Variants in COL11A1 observed in about 807,000 individuals in gnomAD.
The protein encoded by COL11A1 is collagen type XI alpha 1 chain.
Under a neutral mutation model 265.2 loss-of-function variants are expected in COL11A1, and 74 were observed. That is an observed-to-expected ratio of 0.28 (90% CI 0.23 to 0.34). The LOEUF is 0.34. Among genes scored for constraint, COL11A1 ranks in the 10% least tolerant of loss-of-function variants. The pLI is 1.00. For synonymous variants in COL11A1, 816 were observed against 727.6 expected (o/e 1.12, Z -1.96); for missense variants, 2,165 against 2,263.6 (o/e 0.96, Z 0.88).
At chr1:102,882,858 G>A (rs1177029513) in intron 64 of COL11A1, among the ~76,000 whole-genome samples, 1 of 152,142 alleles carries the variant, frequency 6.6e-6, no homozygotes. Context: ...GGTGTAATAT[G>A]CAGCTGTGAG....
At chr1:102,942,437 A>C (rs1253145223) in intron 42 of COL11A1, among the ~76,000 whole-genome samples, 1 of 152,136 alleles carries the variant, frequency 6.6e-6, no homozygotes, top group Admixed American at 6.6e-5. Context: ...AGCCATTTAT[A>C]ATTCCTCAAG....
chr1:103,100,615 G>C (rs567496073), intron 1 of COL11A1: 1 of 152,010 alleles, frequency 6.6e-6, no homozygotes, highest in South Asian at 2.1e-4. Context: ...TTCACCCAAT[G>C]ACCTGGTATT....
At chr1:102,977,315 T>C (rs1662590672) in intron 35 of COL11A1, among the ~76,000 whole-genome samples, 1 of 152,192 alleles carries the variant, frequency 6.6e-6, no homozygotes, top group Non-Finnish European at 1.5e-5. Context: ...ATGTTCTTCC[T>C]GTATAGACAT....
chr1:102,989,829 T>C (rs1663950163), intron 28 of COL11A1, among the ~76,000 whole-genome samples: 1 of 152,114 alleles, frequency 6.6e-6, no homozygotes, highest in South Asian at 2.1e-4. Context: ...TAAATCTTAT[T>C]TTATGAGGGA....
At chr1:102,949,775 A>G (rs1443861683) in intron 41 of COL11A1, among the ~76,000 whole-genome samples, 1 of 152,152 alleles carries the variant, frequency 6.6e-6, no homozygotes, top group Non-Finnish European at 1.5e-5. Flanking sequence ...GACTCATTGT[A>G]CCCATACAAC....
chr1:102,976,289 CTTTTTTTTTTTT>C (rs149842131), intron 35 of COL11A1, among the ~76,000 whole-genome samples: 2 of 58,578 alleles, frequency 3.4e-5, no homozygotes, highest in South Asian at 1.0e-3. Context: ...AAAACGTTGG[CTTTTTTTTTTTT>C]TTTTTTTTTT....
chr1:102,999,017 C>T (rs1242550373), intron 24 of COL11A1, among the ~76,000 whole-genome samples: 1 of 151,428 alleles, frequency 6.6e-6, no homozygotes, highest in Admixed American at 6.6e-5. Context: ...ATCACTACTA[C>T]AAGAATCAGA....
chr1:102,887,609 G>C (rs571986644), intron 62 of COL11A1, among the ~76,000 whole-genome samples: 1 of 152,174 alleles, frequency 6.6e-6, no homozygotes, highest in Non-Finnish European at 1.5e-5. Context: ...TACGAGCAGA[G>C]CTATATCAAA....
chr1:103,022,242 TTGAAGGCTTAA>T (rs892819250), intron 8 of COL11A1, among the ~76,000 whole-genome samples: 1 of 151,952 alleles, frequency 6.6e-6, no homozygotes, highest in African/African-American at 2.4e-5. Context: ...TGAAGACCTA[TTGAAGGCTTAA>T]ATATGGCAAA....
At chr1:102,896,288 T>A (rs1402984767) in intron 57 of COL11A1, among the ~76,000 whole-genome samples, 1 of 152,102 alleles carries the variant, frequency 6.6e-6, no homozygotes, top group East Asian at 1.9e-4. Context: ...ACCCAGGAGT[T>A]TGGCTCTAGA....
intron 63 of COL11A1, among the ~76,000 whole-genome samples, chr1:102,885,225 C>A (rs909831524): frequency 1.3e-5 from 2 of 152,202 alleles, no homozygotes; most frequent in African/African-American, 4.8e-5. Flanking sequence ...TTATGTTGAA[C>A]TATAATCAAA....
At position 102,995,741 on chromosome 1, in the gene COL11A1, A is replaced by G. The variant is rs1664560431; in HGVS notation, c.2340+123T>C. The G allele has an allele frequency of 2.1e-5, 17 of 803,900 alleles. No individual in the cohort carries two copies. The Middle Eastern group carries it at 1.1e-3, about 51-fold the overall frequency. The allele number at this position is 803,900 out of a possible 1,614,324, so 49.8% of individuals were successfully genotyped here. ...TTGTGAGGATAAAGAATACAAAATT[A>G]TACTAGCATTGCGTAGTATGTAGTA... On this transcript the variant is annotated intron_variant, in intron 28 of 66. Coordinates refer to ENST00000370096, the MANE Select transcript of COL11A1 (RefSeq NM_001854.4).
intron 5 of COL11A1, among the ~76,000 whole-genome samples, chr1:103,029,957 T>A (rs1486248582): frequency 6.6e-6 from 1 of 152,084 alleles, no homozygotes; most frequent in Non-Finnish European, 1.5e-5. Context: ...TCTTTCTTTA[T>A]AAAGGAGCAA....
At chr1:103,028,346 T>A (rs1474268774) in intron 5 of COL11A1, among the ~76,000 whole-genome samples, 1 of 152,166 alleles carries the variant, frequency 6.6e-6, no homozygotes, top group Non-Finnish European at 1.5e-5. Context: ...CACATCTTTC[T>A]TTTAGAGCTT....
intron 4 of COL11A1, among the ~76,000 whole-genome samples, chr1:103,070,002 TTC>T (rs2102254507): frequency 6.6e-6 from 1 of 151,840 alleles, no homozygotes; most frequent in South Asian, 2.1e-4. Context: ...TTTGATAATT[TTC>T]TTTTTTTTTA....
chr1:103,021,656 G>T, intron 9 of COL11A1, 51 bp downstream of exon 9: 1 of 1,134,948 alleles, frequency 8.8e-7, no homozygotes, highest in Non-Finnish European at 1.3e-6. Context: ...CATAATCGTG[G>T]CTCATAAGCA....
intron 54 of COL11A1, among the ~76,000 whole-genome samples, chr1:102,904,277 G>T (rs888047230): frequency 3.3e-5 from 5 of 152,120 alleles, no homozygotes; most frequent in Non-Finnish European, 7.4e-5. Flanking sequence ...AACCACAGAA[G>T]AAAACCTAGG....
intron 57 of COL11A1, among the ~76,000 whole-genome samples, chr1:102,892,169 T>C (rs1047287220): frequency 6.6e-6 from 1 of 152,212 alleles, no homozygotes; most frequent in Non-Finnish European, 1.5e-5. Context: ...ATGGTTTCTC[T>C]ATGAATTAGA....
chr1:103,073,608 AAGTC>A lies in COL11A1; in HGVS notation c.651+1006_651+1009del, dbSNP rs532465997. On this transcript the variant is annotated intron_variant, in intron 4 of 66. Coordinates refer to ENST00000370096, the MANE Select transcript of COL11A1 (RefSeq NM_001854.4). ...GGCTTTGGTACACACTAGTGGATAAAAGTCAGAAACGATAGCATCTCAAATAAAT... is the reference window on the plus strand; with the variant it reads ...GGCTTTGGTACACACTAGTGGATAAAAGAAACGATAGCATCTCAAATAAAT... Among the ~76,000 whole-genome samples the A allele has an allele frequency of 6.2e-4, 94 of 151,948 alleles. 1 individual carries two copies. Among genetic ancestry groups the A allele is most frequent in the African/African-American group, 2.2e-3 (93 of 41,534 alleles).
Sources: allele counts gnomAD v4.1 joint callset (sites outside exome capture counted in the v4.1 genomes callset), GRCh38; gene constraint gnomAD v4.1.1; transcripts MANE v1.5; gene names NCBI Gene and HGNC (gene_info 2026-07-23, HGNC 2026-07-21).